Variants in PPEF1 observed in about 807,000 individuals in gnomAD.
PPEF1 encodes the protein serine/threonine-protein phosphatase with EF-hands 1.
In PPEF1, 12 loss-of-function variants were observed where a neutral mutation model predicts 53.3. The observed-to-expected ratio is 0.23, with a 90% CI of 0.14 to 0.36. The LOEUF is 0.36. PPEF1 is among the 10% of genes least tolerant of loss of function. The probability of loss-of-function intolerance (pLI) is 1.00; values close to 1 mark genes in which losing one functional copy is unlikely to be tolerated. For synonymous variants in PPEF1, 165 were observed against 176.7 expected, an observed-to-expected ratio of 0.93 and a Z score of 0.52; for missense variants, 334 against 490.4, an observed-to-expected ratio of 0.68 and a Z score of 3.01.
chrX:18,735,007 C>A (rs1002558448), intron 3 of PPEF1, among the ~76,000 whole-genome samples: 2 of 111,898 alleles, frequency 1.8e-5, no homozygotes, highest in African/African-American at 6.5e-5. Flanking sequence ...TGTTTAAGTT[C>A]TTTGTAGATT....
At chrX:18,812,824 A>T (rs761728892) in intron 12 of PPEF1, among the ~76,000 whole-genome samples, 1 of 110,331 alleles carries the variant, frequency 9.1e-6, no homozygotes, top group African/African-American at 3.3e-5. Context: ...GCTGGAGTGC[A>T]GTGATGTGAT....
chrX:18,803,902 T>C lies in PPEF1; in HGVS notation c.1076T>C (p.Ile359Thr). ...GTTTGTTGTTCCAAGATTATTGATA[T>C]TCTGTGGAGTGATCCCAGAGGCAAA... The part of the protein sequence containing the change: ...TEHEWEQIID[I>T]LWSDPRGKNG... The change falls in exon 11 of 16, where the codon ATT becomes ACT. Residue 359 changes from isoleucine to threonine, a missense_variant. Coordinates refer to ENST00000470157, the MANE Select transcript of PPEF1 (RefSeq NM_001377996.1). 1 of 1,199,353 alleles carries C rather than the reference T, an allele frequency of 8.3e-7. No homozygotes were observed. Among genetic ancestry groups the C allele is most frequent in the Non-Finnish European group, 1.1e-6 (1 of 890,250 alleles).
At chrX:18,806,970 C>G (rs1291625496) in intron 12 of PPEF1, among the ~76,000 whole-genome samples, 1 of 110,714 alleles carries the variant, frequency 9.0e-6, no homozygotes, top group Non-Finnish European at 1.9e-5. Flanking sequence ...CTCCTTTTCT[C>G]CCTTTAACAT....
chrX:18,743,446 C>CTTTTTTTTTTTTTTTTTTTTTTT lies in PPEF1; in HGVS notation c.236-6325_236-6324insTTTTTTTTTTTTTTTTTTTTTTT, dbSNP rs72264344. 4.7e-4 allele frequency among the ~76,000 whole-genome samples: 28 copies of CTTTTTTTTTTTTTTTTTTTTTTT among 59,328 alleles called. 1 individual carries two copies. The highest frequency in any genetic ancestry group is 2.0e-3 in the African/African-American group (28 of 13,864). 51.5% of individuals were successfully genotyped at this position (59,328 alleles called of 115,157 possible). A position where few individuals can be genotyped will look rare whatever the true frequency, so the allele number is the denominator to read the frequency against. On this transcript the variant is annotated intron_variant, in intron 3 of 15. Coordinates refer to ENST00000470157, the MANE Select transcript of PPEF1 (RefSeq NM_001377996.1). The stretch of plus-strand genomic sequence containing the variant: ...TTTTTCTTTTCTTTTTTCTCTTTTT[C>CTTTTTTTTTTTTTTTTTTTTTTT]TTTTTTTTTTTTTTTTTTTTTGAGA...
At chrX:18,817,114 A>G (rs1208815738) in intron 12 of PPEF1, among the ~76,000 whole-genome samples, 2 of 106,011 alleles carry the variant, frequency 1.9e-5, no homozygotes, top group Non-Finnish European at 3.9e-5. Flanking sequence ...GTACATGCAC[A>G]AAAAATACAA....
At chrX:18,824,502 G>A (rs904648034) in intron 14 of PPEF1, among the ~76,000 whole-genome samples, 10 of 111,328 alleles carry the variant, frequency 9.0e-5, no homozygotes, top group African/African-American at 9.8e-5. Flanking sequence ...AGGAAAAGCC[G>A]AAGGGGAATC....
chrX:18,823,029 A>G (rs1347186063), intron 13 of PPEF1, among the ~76,000 whole-genome samples: 1 of 111,581 alleles, frequency 9.0e-6, no homozygotes, highest in Non-Finnish European at 1.9e-5. Flanking sequence ...ATGGTATGCA[A>G]TTGGCACAAG....
At position 18,749,959 on chromosome X, in the gene PPEF1, G is replaced by A; in HGVS notation, c.396+7G>A. ...GGCCTTCAAGGAACAACAGGTAAGT[G>A]GAAGCAGATGCTGCCTTGATTCTTG... On this transcript the variant is annotated splice_region_variant and intron_variant, in intron 4 of 15. Coordinates refer to ENST00000470157, the MANE Select transcript of PPEF1 (RefSeq NM_001377996.1). The A allele has an allele frequency of 8.4e-7, 1 of 1,188,043 alleles. No individual in the cohort carries two copies. Among genetic ancestry groups the A allele is most frequent in the Non-Finnish European group, 1.1e-6 (1 of 875,247 alleles).
At chrX:18,771,453 A>G (rs1474853975) in intron 6 of PPEF1, among the ~76,000 whole-genome samples, 1 of 111,605 alleles carries the variant, frequency 9.0e-6, no homozygotes, top group Admixed American at 9.6e-5. Context: ...ATAATTTTTA[A>G]TTTCCAAGAA....
At chrX:18,775,383 C>T (rs2045947326) in intron 6 of PPEF1, among the ~76,000 whole-genome samples, 1 of 109,265 alleles carries the variant, frequency 9.2e-6, no homozygotes, top group African/African-American at 3.3e-5. Context: ...GCCACCACGC[C>T]TGGCTAATTT....
At chrX:18,815,527 T>G (rs1486178783) in intron 12 of PPEF1, among the ~76,000 whole-genome samples, 1 of 112,154 alleles carries the variant, frequency 8.9e-6, no homozygotes, top group African/African-American at 3.2e-5. Context: ...GTTCAGTTTT[T>G]TAATTTCTTC....
intron 3 of PPEF1, among the ~76,000 whole-genome samples, chrX:18,689,834 G>GATTC (rs756884256): frequency 9.0e-5 from 10 of 111,192 alleles, no homozygotes; most frequent in Middle Eastern, 4.6e-3. Context: ...TTGAATCCTG[G>GATTC]ATTCTCCTTT....
At chrX:18,811,612 TATA>T (rs1284893503) in intron 12 of PPEF1, among the ~76,000 whole-genome samples, 616 of 14,537 alleles carry the variant, frequency 0.042, 5 homozygotes, top group Non-Finnish European at 0.077. Context: ...TATATATATA[TATA>T]TTTTTTTTTT....
Position 18,757,729 on chromosome X carries a change from G to T in PPEF1, c.499G>T (p.Val167Leu). 1.3e-5 allele frequency: 16 copies of T among 1,200,495 alleles called. No individual in the cohort carries two copies. The highest frequency in any genetic ancestry group is 1.8e-5 in the Non-Finnish European group (16 of 885,458). The change falls in exon 5 of 16, where the codon GTA (valine) becomes TTA (leucine). Residue 167 changes from valine to leucine, a missense_variant. By Grantham distance (32) the Val-to-Leu change is conservative (BLOSUM62 1). Coordinates refer to ENST00000470157, the MANE Select transcript of PPEF1 (RefSeq NM_001377996.1). ...CATACAAACTTCTCCCTCCAAAGAG[G>T]TAACAATCTGTGGTAAGTTTCAGAG... ...THIQTSPSKE[V>L]TICGDLHGKL...
chrX:18,707,699 C>A lies in PPEF1; in HGVS notation c.-82C>A. On this transcript the variant is annotated 5_prime_UTR_variant, in exon 1 of 16. Transcript: ENST00000470157. ...AGGATCGGCTAAGAGTGGTTCCTCGCAGCTTAAAGGGAGGCACTTTTCACA... is the reference window on the plus strand; with the variant it reads ...AGGATCGGCTAAGAGTGGTTCCTCGAAGCTTAAAGGGAGGCACTTTTCACA... 3 of 907,940 alleles carry A rather than the reference C, an allele frequency of 3.3e-6. No individual in the cohort carries two copies. In the South Asian group the frequency reaches 6.3e-5, roughly 19 times the overall value. 74.8% of individuals were successfully genotyped at this position (907,940 alleles called of 1,213,427 possible). A position where few individuals can be genotyped will look rare whatever the true frequency, so the allele number is the denominator to read the frequency against.
At chrX:18,761,329 T>C (rs768942383) in intron 5 of PPEF1, among the ~76,000 whole-genome samples, 3 of 111,643 alleles carry the variant, frequency 2.7e-5, no homozygotes, top group Admixed American at 9.5e-5. Flanking sequence ...AAAAGGTAAT[T>C]GAAGCACTAG....
chrX:18,720,548 C>T (rs190431937), intron 1 of PPEF1, among the ~76,000 whole-genome samples: 35 of 110,257 alleles, frequency 3.2e-4, no homozygotes, highest in African/African-American at 5.6e-4. Context: ...GCCAAGATCG[C>T]GCCACTGCAC....
At chrX:18,764,677 G>C (rs974902436) in intron 6 of PPEF1, among the ~76,000 whole-genome samples, 4 of 111,564 alleles carry the variant, frequency 3.6e-5, no homozygotes, top group Non-Finnish European at 7.5e-5. Flanking sequence ...GGCTATTGTT[G>C]ACAATTACAA....
intron 9 of PPEF1, among the ~76,000 whole-genome samples, chrX:18,788,114 A>C (rs1197320898): frequency 9.0e-6 from 1 of 111,206 alleles, no homozygotes; most frequent in Non-Finnish European, 1.9e-5. Flanking sequence ...CAGGAGATCA[A>C]GACCATCCTG....
Sources: gnomAD v4.1 joint callset for allele counts (sites outside exome capture counted in the v4.1 genomes callset) on GRCh38, gnomAD v4.1.1 for gene constraint, MANE v1.5 for transcripts, NCBI Gene and HGNC (gene_info 2026-07-23, HGNC 2026-07-21) for gene names.